The following C11orf16 variants were observed in gnomAD, a reference collection of about 807,000 sequenced individuals.
The protein encoded by C11orf16 is uncharacterized protein C11orf16.
A neutral mutation model predicts 45.1 loss-of-function variants in C11orf16; 38 were observed. That is an observed-to-expected ratio of 0.84 (90% CI 0.65 to 1.10). The LOEUF is 1.10. Among genes scored for constraint, C11orf16 ranks in the 50% least tolerant of loss-of-function variants. The pLI is 0.00. For missense variants in C11orf16, 583 were observed against 569.5 expected, an observed-to-expected ratio of 1.02 and a Z score of -0.24; for synonymous variants, 221 against 222.0, an observed-to-expected ratio of 1.00 and a Z score of 0.04.
At chr11:8,932,410 T>C in intron 1 of C11orf16, 84 bp from the exon 2 acceptor site, 1 of 1,162,782 alleles carries the variant, frequency 8.6e-7, no homozygotes, top group Non-Finnish European at 1.2e-6. Context: ...AGCTCTGCAG[T>C]TAGCTGCCTC....
intron 2 of C11orf16, among the ~76,000 whole-genome samples, chr11:8,931,751 C>T (rs2064651464): frequency 2.0e-5 from 3 of 152,136 alleles, no homozygotes; most frequent in African/African-American, 7.2e-5. Context: ...GACTCGAACT[C>T]CTGACCTCAA....
intron 5 of C11orf16, 138 bp from the exon 6 acceptor site, chr11:8,921,653 T>C (rs1213797763): frequency 5.9e-6 from 5 of 851,742 alleles, no homozygotes; most frequent in African/African-American, 3.4e-5. Context: ...TGAGACAGGG[T>C]CTTGCTATTA....
chr11:8,932,044 A>G (rs1408752195), intron 2 of C11orf16, 98 bp downstream of exon 2: 3 of 1,301,594 alleles, frequency 2.3e-6, no homozygotes, highest in African/African-American at 1.5e-5. Flanking sequence ...CCACCTTCTC[A>G]GGAAGCAAGT....
intron 3 of C11orf16, among the ~76,000 whole-genome samples, chr11:8,927,998 C>G (rs919237609): frequency 3.3e-5 from 5 of 152,254 alleles, no homozygotes; most frequent in Admixed American, 2.0e-4. Flanking sequence ...ACCTCTGCCT[C>G]CTGGGTTCAA....
Position 8,929,426 on chromosome 11 carries a change from C to T in C11orf16, c.275G>A (p.Arg92Lys), listed in dbSNP as rs1394133706. ...DAANTWVLAR[R>K]EADGFYYRAQ... is the part of the protein sequence containing the mutation. ...CCGGTAGTAAAAACCATCTGCTTCCCTTCTTGCTAGGACCCATGTGTTGGC... is the reference window on the plus strand; with the variant it reads ...CCGGTAGTAAAAACCATCTGCTTCCTTTCTTGCTAGGACCCATGTGTTGGC... Residue 92 changes from arginine to lysine, a missense_variant, in exon 3 of 7, where the codon AGG (arginine) becomes AAG (lysine). Coordinates refer to ENST00000326053, the MANE Select transcript of C11orf16 (RefSeq NM_020643.3). 6.2e-7 allele frequency: 1 copy of T among 1,614,088 alleles called. No homozygotes were observed. The highest frequency in any genetic ancestry group is 8.5e-7 in the Non-Finnish European group (1 of 1,180,036).
intron 2 of C11orf16, among the ~76,000 whole-genome samples, chr11:8,930,851 C>T (rs1255303202): frequency 2.0e-5 from 3 of 152,160 alleles, no homozygotes; most frequent in Admixed American, 6.5e-5. Context: ...CCTCAGCCCC[C>T]CTCAGCCTCC....
chr11:8,931,483 C>T (rs2064649863), intron 2 of C11orf16, among the ~76,000 whole-genome samples: 2 of 152,246 alleles, frequency 1.3e-5, no homozygotes, highest in African/African-American at 2.4e-5. Flanking sequence ...TTCCACCTTC[C>T]GAGTTCAAGC....
chr11:8,926,246 A>G, intron 4 of C11orf16, 139 bp from the exon 5 acceptor site: 1 of 808,284 alleles, frequency 1.2e-6, no homozygotes. Context: ...TGGCACAGTG[A>G]TAGCTCACTG....
At chr11:8,924,721 G>A (rs530752671) in intron 5 of C11orf16, among the ~76,000 whole-genome samples, 2 of 152,070 alleles carry the variant, frequency 1.3e-5, no homozygotes, top group African/African-American at 2.4e-5. Flanking sequence ...CCCCAGATAC[G>A]TTCAGTGACC....
rs1166364566 is a variant in C11orf16 at position 8,926,102 on chromosome 11, T to A, written c.565A>T (p.Lys189Ter). ...AAATGAACAGTGATTTCTTTTTCCT[T>A]TGATGCTACATAACAAAAAATGGCA... ...LEMRDPQRAS[K>*]EKEITVHFWN... Residue 189 changes from lysine to a stop codon, truncating the protein, a stop_gained, in exon 5 of 7, where the codon AAG becomes TAG. Coordinates refer to ENST00000326053, the MANE Select transcript of C11orf16 (RefSeq NM_020643.3). LOFTEE classifies it high-confidence loss of function. 2 of 1,591,580 alleles carry A rather than the reference T, an allele frequency of 1.3e-6. No homozygotes were observed. The highest frequency in any genetic ancestry group is 1.7e-6 in the Non-Finnish European group (2 of 1,165,804).
chr11:8,927,076 ATCC>A lies in C11orf16; in HGVS notation c.420_422del (p.Glu140del). On this transcript the variant is annotated inframe_deletion, in exon 4 of 7. Coordinates refer to ENST00000326053, the MANE Select transcript of C11orf16 (RefSeq NM_020643.3). ...CTACAGATGGTGAGAGAGGAATGACATCCTCTTCTAAGACCACTCTCTGCTGCT... is the reference window on the plus strand; with the variant it reads ...CTACAGATGGTGAGAGAGGAATGACATCTTCTAAGACCACTCTCTGCTGCT... The A allele has an allele frequency of 6.2e-7, 1 of 1,614,008 alleles. No individual in the cohort carries two copies.
intron 4 of C11orf16, 74 bp from the exon 5 acceptor site, chr11:8,926,181 T>TTTTA: frequency 1.3e-5 from 16 of 1,259,578 alleles, no homozygotes; most frequent in South Asian, 1.6e-5. Context: ...TCTTTTTTTC[T>TTTTA]TTTCTTTTTT....
chr11:8,931,830 AAGTCTC>A (rs2064651772), intron 2 of C11orf16, among the ~76,000 whole-genome samples: 1 of 152,188 alleles, frequency 6.6e-6, no homozygotes, highest in Non-Finnish European at 1.5e-5. Flanking sequence ...GCGCCCAGCC[AAGTCTC>A]AGCATTGATG....
Position 8,925,623 on chromosome 11 carries a change from C to G in C11orf16, c.1044G>C (p.Glu348Asp). ...GGGGAGGGCCCATCTCCAGATCATT[C>G]TCCACACCGTCTTGTTCACAGGAGG... ...SSSSCEQDGV[E>D]NDLEMGPPQR... The change falls in exon 5 of 7, where the codon GAG (glutamate) becomes GAC (aspartate). Residue 348 changes from glutamate (E) to aspartate (D), a missense_variant. By Grantham distance (45) the Glu-to-Asp change is conservative. Coordinates refer to ENST00000326053, the MANE Select transcript of C11orf16 (RefSeq NM_020643.3). 6.2e-7 allele frequency: 1 copy of G among 1,614,262 alleles called. No homozygotes were observed. The highest frequency in any genetic ancestry group is 8.5e-7 in the Non-Finnish European group (1 of 1,180,052).
chr11:8,923,296 G>A (rs1213695695), intron 5 of C11orf16, among the ~76,000 whole-genome samples: 1 of 152,102 alleles, frequency 6.6e-6, no homozygotes, highest in African/African-American at 2.4e-5. Flanking sequence ...ACACAGACGT[G>A]GTATCTAGGG....
chr11:8,929,280 G>A, intron 3 of C11orf16, 97 bp downstream of exon 3: 2 of 1,331,992 alleles, frequency 1.5e-6, no homozygotes, highest in Non-Finnish European at 2.1e-6. Context: ...GCTTATGCAA[G>A]AAACCAGCCT....
chr11:8,932,133 G>C lies in C11orf16; in HGVS notation c.167+9C>G. On this transcript the variant is annotated intron_variant, in intron 2 of 6. Transcript: ENST00000326053. ...CATCCACTTCCCCCAGAGGGGCAGA[G>C]ACAGGTACCTTGCAAGGGGCTTGTG... The C allele has an allele frequency of 6.4e-7, 1 of 1,570,634 alleles. No individual in the cohort carries two copies. The highest frequency in any genetic ancestry group is 2.3e-5 in the East Asian group (1 of 43,524).
At position 8,925,967 on chromosome 11, in the gene C11orf16, G is replaced by A. The variant is rs1314705852; in HGVS notation, c.700C>T (p.Pro234Ser). The stretch of plus-strand genomic sequence containing the variant: ...CAAGGGGCCCAGTGAAGGGGCCTGG[G>A]GTGCTCCCTGGTGAAAGACTTGTGC... ...RLHKSFTREH[P>S]RPLHWAPCCS... The change falls in exon 5 of 7, where the codon CCC (proline) becomes TCC (serine). Residue 234 changes from proline to serine, a missense_variant. Pro to Ser is a moderately conservative substitution (Grantham distance 74). Coordinates refer to ENST00000326053, the MANE Select transcript of C11orf16 (RefSeq NM_020643.3). The A allele has an allele frequency of 1.2e-6, 2 of 1,614,054 alleles. No homozygotes were observed. The highest frequency in any genetic ancestry group is 1.7e-5 in the Admixed American group (1 of 60,024).
chr11:8,922,894 T>A (rs1250976086), intron 5 of C11orf16, among the ~76,000 whole-genome samples: 1 of 152,156 alleles, frequency 6.6e-6, no homozygotes, highest in African/African-American at 2.4e-5. Context: ...ACACATGTGG[T>A]GAGGGCGGGG....
Sources: gnomAD v4.1 joint callset for allele counts (sites outside exome capture counted in the v4.1 genomes callset) on GRCh38, gnomAD v4.1.1 for gene constraint, MANE v1.5 for transcripts, NCBI Gene and HGNC (gene_info 2026-07-23, HGNC 2026-07-21) for gene names.